The following CSMD3 variants were observed in gnomAD, a reference collection of about 807,000 sequenced individuals.
CSMD3 encodes the protein CUB and sushi domain-containing protein 3.
Under a neutral mutation model 435.2 loss-of-function variants are expected in CSMD3, and 177 were observed. That is an observed-to-expected ratio of 0.41 (90% CI 0.36 to 0.46). CSMD3 has a LOEUF of 0.46. Ranked by LOEUF, CSMD3 falls within the 20% of genes least tolerant of loss-of-function variation. CSMD3 has a pLI of 0.34. For synonymous variants in CSMD3, 1,656 were observed against 1,520.5 expected, an observed-to-expected ratio of 1.09 and a Z score of -2.07; for missense variants, 4,265 against 4,504.6, an observed-to-expected ratio of 0.95 and a Z score of 1.52.
chr8:112,831,234 T>C (rs1414850409), intron 11 of CSMD3, among the ~76,000 whole-genome samples: 1 of 152,154 alleles, frequency 6.6e-6, no homozygotes, highest in Non-Finnish European at 1.5e-5. Flanking sequence ...TTAAAAAATA[T>C]GTGTATTTGT....
intron 32 of CSMD3, among the ~76,000 whole-genome samples, chr8:112,449,936 C>G (rs1425867290): frequency 6.6e-6 from 1 of 152,132 alleles, no homozygotes; most frequent in Non-Finnish European, 1.5e-5. Flanking sequence ...GTTGGCCAGG[C>G]TGGTCTTGAA....
chr8:112,300,259 T>A (rs1820786194), intron 53 of CSMD3, among the ~76,000 whole-genome samples: 1 of 143,932 alleles, frequency 6.9e-6, no homozygotes, highest in Non-Finnish European at 1.5e-5. Flanking sequence ...TTTAAATACT[T>A]GAGTATGTAT....
chr8:112,265,423 G>A lies in CSMD3; in HGVS notation c.9676C>T (p.Pro3226Ser). 6.2e-7 allele frequency: 1 copy of A among 1,611,312 alleles called. No homozygotes were observed. Among genetic ancestry groups the A allele is most frequent in the South Asian group, 1.1e-5 (1 of 91,026 alleles). ...TINGTWSGVM[P>S]TCRAVTCPTP... ...ATCATTATCATACCTCTACAAGTTG[G>A]CATTACTCCACTCCATGTGCCATTA... Residue 3226 changes from proline (P) to serine (S), a missense_variant, in exon 60 of 71, where the codon CCA (proline) becomes TCA (serine). Pro to Ser is a moderately conservative substitution (Grantham distance 74). Transcript: ENST00000297405.
intron 32 of CSMD3, among the ~76,000 whole-genome samples, chr8:112,439,862 T>TC (rs75592155): frequency 7.8e-4 from 117 of 150,298 alleles, no homozygotes; most frequent in East Asian, 7.3e-3. Flanking sequence ...TGCCACTAGG[T>TC]CCCCCCCCGC....
chr8:112,830,848 G>A (rs146560818), intron 11 of CSMD3, among the ~76,000 whole-genome samples: 1,667 of 148,046 alleles, frequency 0.011, 32 homozygotes, highest in African/African-American at 0.038. Context: ...GTGCACTGGC[G>A]CGATCTTGGC....
At chr8:113,085,764 G>T (rs1588042815) in intron 5 of CSMD3, among the ~76,000 whole-genome samples, 1 of 152,168 alleles carries the variant, frequency 6.6e-6, no homozygotes, top group South Asian at 2.1e-4. Context: ...ATGGTTATCA[G>T]AGGCTGAGAA....
In CSMD3 at chr8:112,880,199, T is replaced by G. The variant is rs117295728; in HGVS notation, c.1634-20933A>C. ...AGAGTAATTTGGTTATCACTTGTAATTCTAGACAATCTTTCTTTCTAGAAA... is the reference window on the plus strand; with the variant it reads ...AGAGTAATTTGGTTATCACTTGTAAGTCTAGACAATCTTTCTTTCTAGAAA... On this transcript the variant is annotated intron_variant, in intron 10 of 70. Transcript: ENST00000297405. 3.1e-3 allele frequency among the ~76,000 whole-genome samples: 466 copies of G among 152,240 alleles called. 4 individuals carry two copies. In the East Asian group the frequency reaches 0.042, roughly 14 times the overall value.
chr8:113,273,803 TG>T (rs2132432743), intron 3 of CSMD3, among the ~76,000 whole-genome samples: 1 of 152,268 alleles, frequency 6.6e-6, no homozygotes, highest in South Asian at 2.1e-4. Context: ...TATTATATGT[TG>T]ATTAATCTTT....
intron 13 of CSMD3, among the ~76,000 whole-genome samples, chr8:112,747,293 G>A (rs1008493273): frequency 2.2e-5 from 3 of 138,084 alleles, no homozygotes; most frequent in African/African-American, 8.1e-5. Flanking sequence ...TACTTCAAGA[G>A]TAGACCTACT....
At chr8:112,542,417 A>C (rs372125681) in intron 27 of CSMD3, among the ~76,000 whole-genome samples, 132 of 151,946 alleles carry the variant, frequency 8.7e-4, no homozygotes, top group African/African-American at 3.1e-3. Context: ...GAAAATCCTA[A>C]AGACTTTATC....
intron 6 of CSMD3, among the ~76,000 whole-genome samples, chr8:112,988,691 A>G (rs996089052): frequency 1.3e-5 from 2 of 152,008 alleles, no homozygotes; most frequent in African/African-American, 4.8e-5. Flanking sequence ...ATTTCTTGCA[A>G]GTCGTCTTTT....
At chr8:112,686,352 C>T (rs993563058) in intron 14 of CSMD3, among the ~76,000 whole-genome samples, 1 of 151,942 alleles carries the variant, frequency 6.6e-6, no homozygotes, top group Non-Finnish European at 1.5e-5. Flanking sequence ...CTTTTAAAAA[C>T]ATGTGATTTG....
intron 3 of CSMD3, among the ~76,000 whole-genome samples, chr8:113,224,778 T>C (rs2093007732): frequency 6.7e-6 from 1 of 150,292 alleles, no homozygotes; most frequent in Admixed American, 6.7e-5. Context: ...AATGATTAAA[T>C]TCTGGCTCTT....
At chr8:112,824,761 G>A (rs984120666) in intron 12 of CSMD3, among the ~76,000 whole-genome samples, 5 of 151,924 alleles carry the variant, frequency 3.3e-5, no homozygotes, top group African/African-American at 1.2e-4. Flanking sequence ...TCAGCCTTGG[G>A]GAATCTGATG....
At chr8:112,506,883 G>A (rs1822587765) in intron 28 of CSMD3, 54 bp from the exon 29 acceptor site, 8 of 1,492,138 alleles carry the variant, frequency 5.4e-6, no homozygotes, top group Non-Finnish European at 7.4e-6. Context: ...CAATTTATTA[G>A]CTATCAATAT....
chr8:112,825,510 G>A (rs897420480), intron 12 of CSMD3, among the ~76,000 whole-genome samples: 3 of 152,076 alleles, frequency 2.0e-5, no homozygotes, highest in Non-Finnish European at 4.4e-5. Flanking sequence ...TTTCTATGGG[G>A]ACTTTTTTGT....
intron 2 of CSMD3, among the ~76,000 whole-genome samples, chr8:113,302,309 T>TAC (rs1563672715): frequency 2.1e-4 from 29 of 141,428 alleles, no homozygotes; most frequent in Non-Finnish European, 6.1e-5. Context: ...AATATATATA[T>TAC]TATATATATA....
At chr8:113,220,261 C>T (rs186520881) in intron 3 of CSMD3, among the ~76,000 whole-genome samples, 24 of 151,508 alleles carry the variant, frequency 1.6e-4, no homozygotes, top group African/African-American at 4.8e-4. Context: ...AATTTATTCT[C>T]TTAACATTTT....
intron 10 of CSMD3, among the ~76,000 whole-genome samples, chr8:112,919,120 A>G (rs986695473): frequency 3.9e-5 from 6 of 151,972 alleles, no homozygotes; most frequent in Non-Finnish European, 8.8e-5. Context: ...AGCTATGTCT[A>G]ATATCTGCAA....
Sources: gnomAD v4.1 joint callset for allele counts (sites outside exome capture counted in the v4.1 genomes callset) on GRCh38, gnomAD v4.1.1 for gene constraint, MANE v1.5 for transcripts, NCBI Gene and HGNC (gene_info 2026-07-23, HGNC 2026-07-21) for gene names.